AGBL1: variants seen among roughly 807,000 people sequenced by gnomAD.
The protein encoded by AGBL1 is AGBL carboxypeptidase 1, also known as cytosolic carboxypeptidase 4.
In AGBL1, 130 loss-of-function variants were observed where a neutral mutation model predicts 118.9. That is an observed-to-expected ratio of 1.09 (90% CI 0.95 to 1.26). The LOEUF (loss-of-function observed/expected upper bound fraction) is 1.26. Among genes scored for constraint, AGBL1 ranks in the 50% most tolerant of loss-of-function variants. The pLI, the probability that AGBL1 is intolerant of heterozygous loss-of-function variation, is 0.00. For missense variants in AGBL1, 1,584 were observed against 1,298.1 expected (o/e 1.22, Z -3.38); for synonymous variants, 555 against 478.9 (o/e 1.16, Z -2.08).
At chr15:86,119,826 C>A (rs1001956949) in intron 1 of AGBL1, among the ~76,000 whole-genome samples, 5 of 152,092 alleles carry the variant, frequency 3.3e-5, no homozygotes, top group Non-Finnish European at 5.9e-5. Flanking sequence ...TAATTCTATC[C>A]TTGTGGATGG....
intron 22 of AGBL1, among the ~76,000 whole-genome samples, chr15:86,704,157 T>G (rs1485928021): frequency 6.6e-6 from 1 of 152,108 alleles, no homozygotes; most frequent in East Asian, 1.9e-4. Flanking sequence ...CATAAAGACT[T>G]AAATGTAAAA....
chr15:86,641,779 C>A (rs929052976), intron 21 of AGBL1, among the ~76,000 whole-genome samples: 1 of 151,940 alleles, frequency 6.6e-6, no homozygotes, highest in East Asian at 1.9e-4. Context: ...CTAAAAAAAC[C>A]CCACAGCTTT....
intron 17 of AGBL1, among the ~76,000 whole-genome samples, chr15:86,304,732 C>A (rs1274704503): frequency 6.6e-6 from 1 of 152,162 alleles, no homozygotes; most frequent in Non-Finnish European, 1.5e-5. Flanking sequence ...CAGCTATTGG[C>A]TATGGTCTCC....
intron 22 of AGBL1, among the ~76,000 whole-genome samples, chr15:86,876,071 A>C (rs758378307): frequency 1.3e-5 from 2 of 152,142 alleles, no homozygotes; most frequent in Admixed American, 6.5e-5. Flanking sequence ...AGAATAAGAG[A>C]ATGTAGCCAC....
rs544415652 is a variant in AGBL1 at position 86,673,289 on chromosome 15, CAGATG to C, written c.2995-980_2995-976del. Among the ~76,000 whole-genome samples, 42 of 152,238 alleles carry C rather than the reference CAGATG, an allele frequency of 2.8e-4. 1 individual carries two copies. The South Asian group carries it at 7.1e-3, about 26-fold the overall frequency. The stretch of plus-strand genomic sequence containing the variant: ...AGGGGAGAATTATGATTCCATTTTA[CAGATG>C]AGAAAATCAAGGCAAAAAGAGTTCG... On this transcript the variant is annotated intron_variant, in intron 21 of 22. Transcript: ENST00000614907.
chr15:86,956,217 TTAGATAGATAGATAGATAGA>T (rs57241299), intron 23 of AGBL1, among the ~76,000 whole-genome samples: 11 of 147,594 alleles, frequency 7.5e-5, no homozygotes, highest in East Asian at 2.0e-4. Flanking sequence ...AGATGATTGA[TTAGATAGATAGATAGATAGA>T]TAGATAGATA....
At chr15:86,665,240 A>G (rs1476131736) in intron 21 of AGBL1, among the ~76,000 whole-genome samples, 1 of 152,152 alleles carries the variant, frequency 6.6e-6, no homozygotes, top group African/African-American at 2.4e-5. Context: ...TCTGTTGCTC[A>G]TTTTACGATT....
At chr15:86,307,984 G>T (rs2079865912) in intron 17 of AGBL1, among the ~76,000 whole-genome samples, 1 of 151,950 alleles carries the variant, frequency 6.6e-6, no homozygotes, top group African/African-American at 2.4e-5. Context: ...ATGGTCTTTT[G>T]CTATTCTTTA....
At chr15:86,739,644 T>A (rs1214177330) in intron 22 of AGBL1, among the ~76,000 whole-genome samples, 1 of 151,928 alleles carries the variant, frequency 6.6e-6, no homozygotes, top group Non-Finnish European at 1.5e-5. Context: ...CTCCCATAAA[T>A]AATCTATCCA....
At chr15:86,842,983 C>A (rs1488393315) in intron 22 of AGBL1, among the ~76,000 whole-genome samples, 6 of 152,088 alleles carry the variant, frequency 3.9e-5, no homozygotes. Flanking sequence ...TAATTGCACC[C>A]AAGGTGGGGT....
At position 86,862,371 on chromosome 15, in the gene AGBL1, C is replaced by G. The variant is rs16978043; in HGVS notation, c.3159-44716C>G. On this transcript the variant is annotated intron_variant, in intron 22 of 22. Transcript: ENST00000614907. ...TGTTTATGATATTAGCCCAAGGGTGCACACCTATAAGATTGGATATTTAAT... is the reference window on the plus strand; with the variant it reads ...TGTTTATGATATTAGCCCAAGGGTGGACACCTATAAGATTGGATATTTAAT... Among the ~76,000 whole-genome samples the G allele has an allele frequency of 0.013, 1,995 of 152,258 alleles. 102 individuals carry two copies. In the East Asian group the frequency reaches 0.18, roughly 14 times the overall value.
chr15:86,795,023 C>G (rs529122234), intron 22 of AGBL1, among the ~76,000 whole-genome samples: 1 of 152,274 alleles, frequency 6.6e-6, no homozygotes, highest in Admixed American at 6.5e-5. Flanking sequence ...ACCCAGCACC[C>G]TGGGGGATAA....
At position 86,133,514 on chromosome 15, in the gene AGBL1, A is replaced by G. The variant is rs370768058; in HGVS notation, c.52-8490A>G. ...CCCCAACTAACTTCGAAGCTTTGTAAGAACAAGGACTGTCTGTATACATGC... is the reference window on the plus strand; with the variant it reads ...CCCCAACTAACTTCGAAGCTTTGTAGGAACAAGGACTGTCTGTATACATGC... On this transcript the variant is annotated intron_variant, in intron 1 of 22. Coordinates refer to ENST00000614907, the MANE Select transcript of AGBL1 (RefSeq NM_001386094.1). Among the ~76,000 whole-genome samples the G allele has an allele frequency of 1.4e-4, 21 of 152,356 alleles. No individual in the cohort carries two copies. The East Asian group carries it at 3.5e-3, about 25-fold the overall frequency.
chr15:86,621,846 T>A (rs2084810480), intron 21 of AGBL1, among the ~76,000 whole-genome samples: 1 of 152,220 alleles, frequency 6.6e-6, no homozygotes, highest in African/African-American at 2.4e-5. Flanking sequence ...TAGTAAGTGA[T>A]CAATGAATAT....
intron 21 of AGBL1, among the ~76,000 whole-genome samples, chr15:86,602,489 G>T (rs536549346): frequency 6.6e-6 from 1 of 152,274 alleles, no homozygotes; most frequent in Non-Finnish European, 1.5e-5. Flanking sequence ...GCCTTGATTT[G>T]AGATGAAACC....
chr15:86,350,827 C>T lies in AGBL1; in HGVS notation c.2375-46539C>T, dbSNP rs550615129. ...TATGCTCCTGTTAGGAATTTATACT[C>T]TGGCAGCTTCTCTGTGAAACTATTT... On this transcript the variant is annotated intron_variant, in intron 17 of 22. Coordinates refer to ENST00000614907, the MANE Select transcript of AGBL1 (RefSeq NM_001386094.1). Among the ~76,000 whole-genome samples the T allele has an allele frequency of 6.6e-5, 10 of 152,316 alleles. No homozygotes were observed. The South Asian group carries it at 1.9e-3, about 28-fold the overall frequency.
At chr15:86,873,611 A>G (rs751267894) in intron 22 of AGBL1, among the ~76,000 whole-genome samples, 2 of 152,138 alleles carry the variant, frequency 1.3e-5, no homozygotes, top group Admixed American at 6.5e-5. Context: ...CCCTAGAGCA[A>G]TCCTTTGCCC....
At chr15:86,572,509 T>A (rs1179039467) in intron 21 of AGBL1, among the ~76,000 whole-genome samples, 1 of 152,072 alleles carries the variant, frequency 6.6e-6, no homozygotes, top group Non-Finnish European at 1.5e-5. Flanking sequence ...TCCAGGAGGC[T>A]CCCAGAGGCA....
chr15:86,320,757 G>A (rs1411050633), intron 17 of AGBL1, among the ~76,000 whole-genome samples: 1 of 151,480 alleles, frequency 6.6e-6, no homozygotes, highest in Non-Finnish European at 1.5e-5. Flanking sequence ...TCATTTATGA[G>A]GTTAAGGATG....
Sources: allele counts gnomAD v4.1 joint callset (sites outside exome capture counted in the v4.1 genomes callset), GRCh38; gene constraint gnomAD v4.1.1; transcripts MANE v1.5; gene names NCBI Gene and HGNC (gene_info 2026-07-23, HGNC 2026-07-21).